ACSF2: variants seen among roughly 807,000 people sequenced by gnomAD.
ACSF2 encodes the protein medium-chain acyl-CoA ligase ACSF2, mitochondrial.
In ACSF2, 52 loss-of-function variants were observed where a neutral mutation model predicts 79.3. The ratio of observed to expected loss-of-function variants is 0.66; its 90% CI spans 0.53 to 0.83. The LOEUF (loss-of-function observed/expected upper bound fraction) is 0.83. Among genes scored for constraint, ACSF2 ranks in the 40% least tolerant of loss-of-function variants. ACSF2 has a pLI of 0.00. For synonymous variants in ACSF2, 283 were observed against 312.6 expected (o/e 0.91, Z 1.00); for missense variants, 661 against 803.3 (o/e 0.82, Z 2.14).
chr17:50,454,716 C>T (rs1353052764), intron 1 of ACSF2, among the ~76,000 whole-genome samples: 2 of 152,148 alleles, frequency 1.3e-5, no homozygotes, highest in East Asian at 3.8e-4. Flanking sequence ...GTCTTTATTC[C>T]ACACAACGTG....
chr17:50,460,695 C>T lies in ACSF2; in HGVS notation c.147C>T (p.Arg49=), dbSNP rs1366370157. The part of the protein sequence containing the change: ...VRFLSSREVD[R]MVSTPIGGLS... ...CCTACAGTTCCAGAGAGGTGGATCG[C>T]ATGGTCTCCACGCCCATCGGAGGCC... Residue 49 remains arginine (R), a synonymous_variant, in exon 2 of 16, where the codon CGC becomes CGT. Transcript: ENST00000300441. 3 of 1,612,476 alleles carry T rather than the reference C, an allele frequency of 1.9e-6. No individual in the cohort carries two copies. The highest frequency in any genetic ancestry group is 2.7e-5 in the African/African-American group (2 of 75,020).
At chr17:50,453,611 A>G (rs2031808790) in intron 1 of ACSF2, among the ~76,000 whole-genome samples, 1 of 152,236 alleles carries the variant, frequency 6.6e-6, no homozygotes, top group Admixed American at 6.5e-5. Context: ...TGTCTTGACT[A>G]TTATCAATAT....
chr17:50,426,291 G>T lies in ACSF2; in HGVS notation c.30G>T (p.Leu10=). ...CTGTCTACGTCGGGATGCTGCGCCT[G>T]GGGAGGCTGTGCGCCGGGAGCTCGG... MAVYVGMLR[L]GRLCAGSSGV... is the part of the protein sequence containing the mutation. The change falls in exon 1 of 16, where the codon CTG becomes CTT. Residue 10 remains leucine (L), a synonymous_variant. Coordinates refer to ENST00000300441, the MANE Select transcript of ACSF2 (RefSeq NM_025149.6). 1 of 1,416,204 alleles carries T rather than the reference G, an allele frequency of 7.1e-7. No individual in the cohort carries two copies. Among genetic ancestry groups the T allele is most frequent in the African/African-American group, 1.5e-5 (1 of 67,574 alleles). 87.7% of individuals were successfully genotyped at this position (1,416,204 alleles called of 1,614,324 possible). A position where few individuals can be genotyped will look rare whatever the true frequency, so the allele number is the denominator to read the frequency against.
chr17:50,460,825 G>A lies in ACSF2; in HGVS notation c.277G>A (p.Val93Ile), dbSNP rs146454487. 1,255 of 1,611,904 alleles carry A rather than the reference G, an allele frequency of 7.8e-4. 24 individuals carry two copies. In the South Asian group the frequency reaches 0.011, roughly 15 times the overall value. Residue 93 changes from valine (V) to isoleucine (I), a missense_variant, in exon 2 of 16, where the codon GTC becomes ATC. By Grantham distance (29) the Val-to-Ile change is conservative. Coordinates refer to ENST00000300441, the MANE Select transcript of ACSF2 (RefSeq NM_025149.6). Reference sequence around the variant, plus strand: ...GGTCCCAGAACGAGAGGCCTTGGTCGTCCTCCATGAAGACGTCAGGTTGAC... The same window carrying A: ...GGTCCCAGAACGAGAGGCCTTGGTCATCCTCCATGAAGACGTCAGGTTGAC... ...QRVPEREALV[V>I]LHEDVRLTFA...
In ACSF2 at chr17:50,472,541, A is replaced by T. The variant is rs1356076313; in HGVS notation, c.1437A>T (p.Thr479=). ...GCTACTGGGGTGAGCCTCAGAAGAC[A>T]GAGGAAGCAGTGGATCAGGACAAGT... ...MLGYWGEPQK[T]EEAVDQDKWY... Residue 479 remains threonine (T), a synonymous_variant, in exon 12 of 16, where the codon ACA becomes ACT. Transcript: ENST00000300441. The T allele has an allele frequency of 5.0e-6, 8 of 1,611,764 alleles. No homozygotes were observed. In the East Asian group the frequency reaches 1.8e-4, roughly 36 times the overall value.
intron 1 of ACSF2, among the ~76,000 whole-genome samples, chr17:50,428,259 G>A (rs1915189726): frequency 6.6e-6 from 1 of 152,176 alleles, no homozygotes; most frequent in Non-Finnish European, 1.5e-5. Context: ...GCCCAGGCAG[G>A]CAGATCACTT....
At position 50,461,471 on chromosome 17, in the gene ACSF2, T is replaced by C. The variant is rs181425378; in HGVS notation, c.453+101T>C. 1.9e-4 allele frequency: 310 copies of C among 1,590,324 alleles called. 5 individuals carry two copies. The East Asian group carries it at 6.8e-3, about 35-fold the overall frequency. ...GCCCCAGGATCAAACCAGTGCCTTG[T>C]TGGTTTCAAACCAGGTAGTGCTTTC... is the stretch of plus-strand genomic sequence containing the variant. On this transcript the variant is annotated intron_variant, in intron 3 of 15. Transcript: ENST00000300441.
chr17:50,458,304 C>A (rs2032137108), intron 1 of ACSF2, among the ~76,000 whole-genome samples: 1 of 152,208 alleles, frequency 6.6e-6, no homozygotes, highest in Non-Finnish European at 1.5e-5. Context: ...GTCCTCTGCT[C>A]TGGACCCTTT....
intron 4 of ACSF2, 151 bp downstream of exon 4, chr17:50,461,837 G>A: frequency 9.3e-7 from 1 of 1,072,316 alleles, no homozygotes; most frequent in Non-Finnish European, 1.4e-6. Context: ...GTGATTGGAA[G>A]GTGGCCCCAA....
At chr17:50,432,419 T>C (rs2030008986) in intron 1 of ACSF2, among the ~76,000 whole-genome samples, 1 of 152,156 alleles carries the variant, frequency 6.6e-6, no homozygotes, top group Non-Finnish European at 1.5e-5. Context: ...ATAGTAACTG[T>C]GTCTGGGGAG....
rs755447019 is a variant in ACSF2 at position 50,426,332 on chromosome 17, G to C, written c.71G>C (p.Arg24Pro). Residue 24 changes from arginine (R) to proline (P), a missense_variant, in exon 1 of 16, where the codon CGG becomes CCG. Arg to Pro is a moderately radical substitution (Grantham distance 103). Transcript: ENST00000300441. Reference protein sequence around the residue: ...CAGSSGVLGARAALSRSWQEA... With the variant: ...CAGSSGVLGAPAALSRSWQEA... ...GGGAGCTCGGGGGTGCTGGGGGCCCGGGCCGCCCTCTCTCGGAGTTGGCAG... is the reference window on the plus strand; with the variant it reads ...GGGAGCTCGGGGGTGCTGGGGGCCCCGGCCGCCCTCTCTCGGAGTTGGCAG... 1 of 1,421,866 alleles carries C rather than the reference G, an allele frequency of 7.0e-7. No homozygotes were observed. The highest frequency in any genetic ancestry group is 1.6e-5 in the South Asian group (1 of 62,252). The allele number at this position is 1,421,866 out of a possible 1,614,324, so 88.1% of individuals were successfully genotyped here. A position where few individuals can be genotyped will look rare whatever the true frequency, so the allele number is the denominator to read the frequency against.
In ACSF2 at chr17:50,469,079, C is replaced by A. The variant is rs2032962391; in HGVS notation, c.1216-1949C>A. 4 of 1,222,904 alleles carry A rather than the reference C, an allele frequency of 3.3e-6. No individual in the cohort carries two copies. The African/African-American group carries it at 4.8e-5, about 15-fold the overall frequency. 75.8% of individuals were successfully genotyped at this position (1,222,904 alleles called of 1,614,324 possible). A position where few individuals can be genotyped will look rare whatever the true frequency, so the allele number is the denominator to read the frequency against. On this transcript the variant is annotated intron_variant, in intron 10 of 15. Coordinates refer to ENST00000300441, the MANE Select transcript of ACSF2 (RefSeq NM_025149.6). Reference sequence around the variant, plus strand: ...CATGAGGGGGTGGGACCGTGGCCCCCGAGCCCCGAGCCCTGAGCCCCGGCT... The same window carrying A: ...CATGAGGGGGTGGGACCGTGGCCCCAGAGCCCCGAGCCCTGAGCCCCGGCT...
At position 50,464,239 on chromosome 17, in the gene ACSF2, C is replaced by A. The variant is rs1485809466; in HGVS notation, c.1160C>A (p.Ala387Glu). ...TCAGGTGTCATTGCTGGGTCCCCTG[C>A]ACCTCCAGAGTTGATCCGAGCCATC... ...MCGGVIAGSP[A>E]PPELIRAIIN... Residue 387 changes from alanine to glutamate, a missense_variant, in exon 10 of 16, where the codon GCA becomes GAA. Physicochemically the swap from Ala to Glu is moderately radical, Grantham distance 107. Coordinates refer to ENST00000300441, the MANE Select transcript of ACSF2 (RefSeq NM_025149.6). 1.2e-6 allele frequency: 2 copies of A among 1,614,192 alleles called. No individual in the cohort carries two copies. Among genetic ancestry groups the A allele is most frequent in the Non-Finnish European group, 8.5e-7 (1 of 1,180,046 alleles).
At chr17:50,427,499 C>G (rs1482888913) in intron 1 of ACSF2, among the ~76,000 whole-genome samples, 1 of 152,022 alleles carries the variant, frequency 6.6e-6, no homozygotes, top group Non-Finnish European at 1.5e-5. Context: ...TTCCCAGTGA[C>G]CCTGGGAAGT....
intron 1 of ACSF2, among the ~76,000 whole-genome samples, chr17:50,456,718 C>T (rs545093433): frequency 2.7e-5 from 4 of 149,760 alleles, no homozygotes; most frequent in Non-Finnish European, 4.4e-5. Flanking sequence ...ACAACGAGAG[C>T]GAAACTCTGT....
rs148337700 is a variant in ACSF2 at position 50,465,508 on chromosome 17, A to G, written c.1215+1214A>G. On this transcript the variant is annotated intron_variant, in intron 10 of 15. Transcript: ENST00000300441. The stretch of plus-strand genomic sequence containing the variant: ...GTGCTGGGGGGAAGGGCAGTGAACT[A>G]TGGGGCCAGGATTGACTTGGCCACA... The G allele has an allele frequency of 4.4e-4, 687 of 1,578,384 alleles. 8 individuals carry two copies. The African/African-American group carries it at 7.0e-3, about 16-fold the overall frequency.
intron 1 of ACSF2, among the ~76,000 whole-genome samples, chr17:50,438,263 A>G (rs895557719): frequency 2.0e-5 from 3 of 152,236 alleles, no homozygotes; most frequent in East Asian, 3.8e-4. Context: ...TGGATTCAAC[A>G]TAGTACTTAG....
At chr17:50,436,119 T>C (rs2030389257) in intron 1 of ACSF2, among the ~76,000 whole-genome samples, 1 of 152,024 alleles carries the variant, frequency 6.6e-6, no homozygotes, top group Non-Finnish European at 1.5e-5. Flanking sequence ...GTTGTTGTTA[T>C]TTTTTATTTT....
chr17:50,437,937 C>A (rs2030568210), intron 1 of ACSF2, among the ~76,000 whole-genome samples: 1 of 152,188 alleles, frequency 6.6e-6, no homozygotes, highest in Non-Finnish European at 1.5e-5. Flanking sequence ...CACTACAGAT[C>A]AAATTGAAGT....
Sources: allele counts gnomAD v4.1 joint callset (sites outside exome capture counted in the v4.1 genomes callset), GRCh38; gene constraint gnomAD v4.1.1; transcripts MANE v1.5; gene names NCBI Gene and HGNC (gene_info 2026-07-23, HGNC 2026-07-21).